Variants in ZNF334 observed in about 807,000 individuals in gnomAD.
ZNF334 encodes the protein zinc finger protein 334.
In ZNF334, 14 loss-of-function variants were observed where a neutral mutation model predicts 12.4. The observed-to-expected ratio is 1.13, with a 90% CI of 0.74 to 1.76. ZNF334 has a LOEUF of 1.76. ZNF334 is among the 40% of genes most tolerant of loss of function. The pLI, the probability that ZNF334 is intolerant of heterozygous loss-of-function variation, is 0.00. For synonymous variants in ZNF334, 273 were observed against 269.6 expected, an observed-to-expected ratio of 1.01 and a Z score of -0.12; for missense variants, 797 against 804.5, an observed-to-expected ratio of 0.99 and a Z score of 0.11.
In ZNF334 at chr20:46,500,447, G is replaced by C. The variant is rs1322409140; in HGVS notation, c.*849C>G. ...TGAACATGTTGATTAGGAAATCCAA[G>C]AGATTTTTGAAAACATACTAATTGA... is the stretch of plus-strand genomic sequence containing the variant. On this transcript the variant is annotated 3_prime_UTR_variant, in exon 5 of 5. Coordinates refer to ENST00000692313, the MANE Select transcript of ZNF334 (RefSeq NM_001353824.2). The C allele has an allele frequency of 6.6e-6, 1 of 152,198 alleles. No individual in the cohort carries two copies. Among genetic ancestry groups the C allele is most frequent in the Non-Finnish European group, 1.5e-5 (1 of 68,042 alleles). The allele number at this position is 152,198 out of a possible 1,614,324, so 9.4% of individuals were successfully genotyped here.
At chr20:46,497,436 G>C (rs937782063), downstream of ZNF334, among the ~76,000 whole-genome samples, 1 of 152,192 alleles carries the variant, frequency 6.6e-6, no homozygotes, top group South Asian at 2.1e-4. Context: ...ATAATTCAGA[G>C]ACTGATATGT....
chr20:46,507,881 A>G (rs1199177738), intron 2 of ZNF334, among the ~76,000 whole-genome samples: 1 of 152,234 alleles, frequency 6.6e-6, no homozygotes, highest in Non-Finnish European at 1.5e-5. Context: ...TCCTGAAGAT[A>G]AAGAGTATCT....
chr20:46,483,305 T>C, the ZNF334 span, among the ~76,000 whole-genome samples: 1 of 152,122 alleles, frequency 6.6e-6, no homozygotes, highest in South Asian at 2.1e-4. Flanking sequence ...TTTTTTCTTA[T>C]TGATCTGTAT....
chr20:46,485,729 T>A, the ZNF334 span: 1 of 152,166 alleles, frequency 6.6e-6, no homozygotes. Flanking sequence ...TGGAGTATCA[T>A]TTTATCTAAA....
rs775945017 is a variant in ZNF334 at position 46,501,326 on chromosome 20, A to G, written c.2013T>C (p.Phe671=). 1.9e-6 allele frequency: 3 copies of G among 1,611,072 alleles called. No homozygotes were observed. The highest frequency in any genetic ancestry group is 1.7e-6 in the Non-Finnish European group (2 of 1,178,132). ...CEKTFRHKSN[F]LLHQKSHKE Reference sequence around the variant, plus strand: ...CCTTGTGGGATTTCTGATGTAAAAGAAAGTTTGATTTGTGGCGAAATGTTT... The same window carrying G: ...CCTTGTGGGATTTCTGATGTAAAAGGAAGTTTGATTTGTGGCGAAATGTTT... The change falls in exon 5 of 5, where the codon TTT becomes TTC. Residue 671 remains phenylalanine (F), a synonymous_variant. Coordinates refer to ENST00000692313, the MANE Select transcript of ZNF334 (RefSeq NM_001353824.2).
At chr20:46,486,177 C>T in the ZNF334 span, among the ~76,000 whole-genome samples, 3 of 152,284 alleles carry the variant, frequency 2.0e-5, no homozygotes, top group African/African-American at 7.2e-5. Context: ...AGTCAAGATT[C>T]CATCGTTATT....
chr20:46,508,522 G>A (rs866010729), intron 2 of ZNF334, among the ~76,000 whole-genome samples: 3 of 152,216 alleles, frequency 2.0e-5, no homozygotes, highest in South Asian at 2.1e-4. Flanking sequence ...GTAGAAACAC[G>A]GTTAAAAGCA....
the ZNF334 span, among the ~76,000 whole-genome samples, chr20:46,468,835 T>A: frequency 2.6e-5 from 4 of 152,186 alleles, no homozygotes; most frequent in Admixed American, 2.0e-4. Flanking sequence ...TGGAGTCGAA[T>A]CTCACCTCCT....
chr20:46,504,155 C>T (rs764095063), intron 4 of ZNF334, 59 bp downstream of exon 4: 82 of 1,222,882 alleles, frequency 6.7e-5, no homozygotes, highest in Admixed American at 8.7e-5. Context: ...CTATTACCAC[C>T]GACCACCATG....
chr20:46,487,857 C>G, the ZNF334 span, among the ~76,000 whole-genome samples: 1 of 152,120 alleles, frequency 6.6e-6, no homozygotes, highest in African/African-American at 2.4e-5. Flanking sequence ...TGATAATCTC[C>G]ACCTTTTCGT....
chr20:46,490,545 T>C, the ZNF334 span, among the ~76,000 whole-genome samples: 2 of 152,220 alleles, frequency 1.3e-5, no homozygotes, highest in Non-Finnish European at 2.9e-5. Flanking sequence ...GCTTTTCTGT[T>C]TTGGTTATTA....
At chr20:46,495,215 T>C (rs1180202610), downstream of ZNF334, among the ~76,000 whole-genome samples, 1 of 152,058 alleles carries the variant, frequency 6.6e-6, no homozygotes, top group African/African-American at 2.4e-5. Flanking sequence ...TTTGAGGAGA[T>C]ATAAATCTAA....
chr20:46,467,417 G>C, the ZNF334 span, among the ~76,000 whole-genome samples: 1 of 152,202 alleles, frequency 6.6e-6, no homozygotes, highest in South Asian at 2.1e-4. Flanking sequence ...CAATAGTACA[G>C]TCTATGCCAG....
In ZNF334 at chr20:46,504,722, C is replaced by T. The variant is rs1475253568; in HGVS notation, c.40G>A (p.Asp14Asn). 3 of 1,609,110 alleles carry T rather than the reference C, an allele frequency of 1.9e-6. No homozygotes were observed. The highest frequency in any genetic ancestry group is 2.5e-6 in the Non-Finnish European group (3 of 1,178,084). Residue 14 changes from aspartate to asparagine, a missense_variant, in exon 3 of 5, where the codon GAC (aspartate) becomes AAC (asparagine). Asp to Asn is a conservative substitution (Grantham distance 23). Transcript: ENST00000692313. ...KKFQIPVSFQ[D>N]LTVNFTQEEW... The stretch of plus-strand genomic sequence containing the variant: ...TCTTGGGTGAAGTTCACAGTCAGGT[C>T]CTGGAATGAAACTGGTATCTGAAAG...
intron 2 of ZNF334, 88 bp from the exon 3 acceptor site, chr20:46,504,828 G>T: frequency 8.2e-7 from 1 of 1,226,640 alleles, no homozygotes; most frequent in Non-Finnish European, 1.1e-6. Context: ...CACTGCCATG[G>T]CTAATGGAAA....
chr20:46,491,599 T>C, the ZNF334 span: 2 of 152,828 alleles, frequency 1.3e-5, no homozygotes, highest in African/African-American at 4.8e-5. Context: ...AAAAAACCTT[T>C]GCCCAGCGCA....
At chr20:46,464,375 C>T in the ZNF334 span, 1 of 505,316 alleles carries the variant, frequency 2.0e-6, no homozygotes, top group Non-Finnish European at 4.0e-6. Context: ...AGTGCCCTTC[C>T]ACTTGTGAAT....
chr20:46,476,814 T>C, the ZNF334 span, among the ~76,000 whole-genome samples: 1 of 152,212 alleles, frequency 6.6e-6, no homozygotes, highest in African/African-American at 2.4e-5. Flanking sequence ...CCATAAGTTA[T>C]AATGATGGAG....
rs543764619 is a variant in ZNF334, at chr20:46,500,592, T to A, written c.*704A>T. 1 of 152,344 alleles carries A rather than the reference T, an allele frequency of 6.6e-6. No homozygotes were observed. The highest frequency in any genetic ancestry group is 1.9e-4 in the East Asian group (1 of 5,192). 9.4% of individuals were successfully genotyped at this position (152,344 alleles called of 1,614,324 possible). A position where few individuals can be genotyped will look rare whatever the true frequency, so the allele number is the denominator to read the frequency against. On this transcript the variant is annotated 3_prime_UTR_variant, in exon 5 of 5. Coordinates refer to ENST00000692313, the MANE Select transcript of ZNF334 (RefSeq NM_001353824.2). ...CTTTGTTGTTCAAGAATGCTTATTT[T>A]CCCATGTTTTTCCTACTGCAATTGC... is the stretch of plus-strand genomic sequence containing the variant.
Sources: allele counts gnomAD v4.1 joint callset (sites outside exome capture counted in the v4.1 genomes callset), GRCh38; gene constraint gnomAD v4.1.1; transcripts MANE v1.5; gene names NCBI Gene and HGNC (gene_info 2026-07-23, HGNC 2026-07-21).